The following SNX10 variants were observed in gnomAD, a reference collection of about 807,000 sequenced individuals.
SNX10 encodes sorting nexin 10, also known as sorting nexin-10.
SNX10 carries 25 observed loss-of-function variants against 28.5 expected under a neutral mutation model. The ratio of observed to expected loss-of-function variants is 0.88; its 90% CI spans 0.64 to 1.22. SNX10 has a LOEUF of 1.22. Ranked by LOEUF, SNX10 falls within the 50% of genes most tolerant of loss-of-function variation. The pLI, the probability that SNX10 is intolerant of heterozygous loss-of-function variation, is 0.00. For synonymous variants in SNX10, 62 were observed against 81.4 expected (o/e 0.76, Z 1.28); for missense variants, 223 against 242.6 (o/e 0.92, Z 0.54).
chr7:26,300,915 A>C (rs1419495839), intron 1 of SNX10, among the ~76,000 whole-genome samples: 1 of 143,054 alleles, frequency 7.0e-6, no homozygotes, highest in African/African-American at 2.6e-5. Flanking sequence ...GCTACTCGGG[A>C]GGCTGCGATG....
At chr7:26,335,948 G>A (rs968726229) in intron 1 of SNX10, among the ~76,000 whole-genome samples, 3 of 151,078 alleles carry the variant, frequency 2.0e-5, no homozygotes, top group African/African-American at 7.3e-5. Flanking sequence ...TTTCACCGTG[G>A]TCTCGATCTC....
intron 6 of SNX10, 57 bp downstream of exon 6, chr7:26,372,090 C>A: frequency 9.0e-7 from 1 of 1,115,010 alleles, no homozygotes; most frequent in Non-Finnish European, 1.3e-6. Context: ...ATAGTATGCA[C>A]ATATGCACGT....
intron 2 of SNX10, among the ~76,000 whole-genome samples, chr7:26,347,824 TG>T (rs1405596940): frequency 1.3e-5 from 2 of 152,172 alleles, no homozygotes; most frequent in African/African-American, 4.8e-5. Flanking sequence ...CACTCCAGCC[TG>T]GGTGACAAAG....
rs35527687 is a variant in SNX10, at chr7:26,358,805, G to GTTTTTTTTTTTTTTTTTTTTTTTTTTT, written c.25-2151_25-2150insTTTTTTTTTTTTTTTTTTTTTTTTTTT. 1.3e-4 allele frequency among the ~76,000 whole-genome samples: 13 copies of GTTTTTTTTTTTTTTTTTTTTTTTTTTT among 100,102 alleles called. 2 individuals carry two copies. Among genetic ancestry groups the GTTTTTTTTTTTTTTTTTTTTTTTTTTT allele is most frequent in the African/African-American group, 5.7e-4 (13 of 22,684 alleles). The allele number at this position is 100,102 out of a possible 152,430, so 65.7% of individuals were successfully genotyped here. A position where few individuals can be genotyped will look rare whatever the true frequency, so the allele number is the denominator to read the frequency against. On this transcript the variant is annotated intron_variant, in intron 2 of 6. Transcript: ENST00000338523. ...GAGCATCACTATAGTGTTATCTTGT[G>GTTTTTTTTTTTTTTTTTTTTTTTTTTT]TTTTTTTTTTTTTTTTTTTGACCAA... is the stretch of plus-strand genomic sequence containing the variant.
At chr7:26,316,044 C>T (rs781589266) in intron 1 of SNX10, among the ~76,000 whole-genome samples, 105 of 151,792 alleles carry the variant, frequency 6.9e-4, no homozygotes, top group Non-Finnish European at 6.6e-4. Context: ...ACTAGCCGGG[C>T]GTGGTGGCAG....
At chr7:26,359,115 A>G (rs371863152) in intron 2 of SNX10, among the ~76,000 whole-genome samples, 6 of 152,064 alleles carry the variant, frequency 3.9e-5, no homozygotes, top group East Asian at 3.9e-4. Flanking sequence ...TTCTTATTCT[A>G]TCCCCTAAAT....
chr7:26,372,849 A>G lies in SNX10; in HGVS notation c.*277A>G, dbSNP rs1789620312. ...CTTGCCCTCCAATGAAATGACTTAC[A>G]TGTTTTAAAAAACCGAGTTGGTTTT... On this transcript the variant is annotated 3_prime_UTR_variant, in exon 7 of 7. Coordinates refer to ENST00000338523, the MANE Select transcript of SNX10 (RefSeq NM_013322.3). The G allele has an allele frequency of 3.4e-6, 1 of 296,380 alleles. No homozygotes were observed. The highest frequency in any genetic ancestry group is 2.2e-5 in the African/African-American group (1 of 45,782). 18.4% of individuals were successfully genotyped at this position (296,380 alleles called of 1,614,324 possible). A position where few individuals can be genotyped will look rare whatever the true frequency, so the allele number is the denominator to read the frequency against.
intron 1 of SNX10, among the ~76,000 whole-genome samples, chr7:26,324,699 G>C (rs751801037): frequency 1.3e-4 from 20 of 152,054 alleles, no homozygotes; most frequent in Non-Finnish European, 2.6e-4. Context: ...AAATGACTGA[G>C]TGGGGAATGA....
chr7:26,328,671 T>A (rs1050434341), intron 1 of SNX10, among the ~76,000 whole-genome samples: 1 of 152,188 alleles, frequency 6.6e-6, no homozygotes. Flanking sequence ...ACTGCCCATG[T>A]GCCCCACCAA....
intron 1 of SNX10, among the ~76,000 whole-genome samples, chr7:26,312,318 A>G (rs552425443): frequency 2.6e-5 from 4 of 152,372 alleles, no homozygotes; most frequent in African/African-American, 9.6e-5. Context: ...GTATTGGCAT[A>G]GCAACCACCA....
chr7:26,350,980 A>C (rs1432356587), intron 2 of SNX10, among the ~76,000 whole-genome samples: 1 of 152,172 alleles, frequency 6.6e-6, no homozygotes, highest in Admixed American at 6.5e-5. Flanking sequence ...AGATTTTAAA[A>C]TAATTGTTCA....
intron 1 of SNX10, among the ~76,000 whole-genome samples, chr7:26,309,301 G>C (rs35119951): frequency 1.3e-5 from 2 of 151,694 alleles, no homozygotes; most frequent in African/African-American, 4.8e-5. Flanking sequence ...CGTTAGAAGT[G>C]GCCTGTTTCA....
chr7:26,358,805 G>GTTTTTGTTTT lies in SNX10; in HGVS notation c.25-2165_25-2164insGTTTTTTTTT, dbSNP rs1554360948. On this transcript the variant is annotated intron_variant, in intron 2 of 6. Transcript: ENST00000338523. Reference sequence around the variant, plus strand: ...GAGCATCACTATAGTGTTATCTTGTGTTTTTTTTTTTTTTTTTTTGACCAA... The same window carrying GTTTTTGTTTT: ...GAGCATCACTATAGTGTTATCTTGTGTTTTTGTTTTTTTTTTTTTTTTTTTTTTTGACCAA... Among the ~76,000 whole-genome samples the GTTTTTGTTTT allele has an allele frequency of 3.4e-4, 34 of 100,102 alleles. 1 individual carries two copies. Among genetic ancestry groups the GTTTTTGTTTT allele is most frequent in the African/African-American group, 1.4e-3 (31 of 22,684 alleles). The allele number at this position is 100,102 out of a possible 152,430, so 65.7% of individuals were successfully genotyped here. A position where few individuals can be genotyped will look rare whatever the true frequency, so the allele number is the denominator to read the frequency against.
intron 1 of SNX10, among the ~76,000 whole-genome samples, chr7:26,295,588 T>C (rs1462137185): frequency 6.6e-6 from 1 of 152,224 alleles, no homozygotes; most frequent in African/African-American, 2.4e-5. Flanking sequence ...AAACTCAGGT[T>C]CCTGAACTTC....
chr7:26,335,116 C>T (rs571977611), intron 1 of SNX10, among the ~76,000 whole-genome samples: 11 of 152,322 alleles, frequency 7.2e-5, no homozygotes, highest in South Asian at 6.2e-4. Context: ...ATGCTGGACA[C>T]GGAAGCCACT....
intron 1 of SNX10, among the ~76,000 whole-genome samples, chr7:26,333,561 T>C (rs750802655): frequency 8.6e-5 from 13 of 151,754 alleles, no homozygotes; most frequent in Non-Finnish European, 1.3e-4. Flanking sequence ...CCTGACCTCA[T>C]GATCCGCCCG....
intron 1 of SNX10, among the ~76,000 whole-genome samples, chr7:26,310,566 C>T (rs1202482693): frequency 6.6e-6 from 1 of 151,894 alleles, no homozygotes; most frequent in African/African-American, 2.4e-5. Flanking sequence ...GCCTTTAAAC[C>T]AAGATCTGAA....
At position 26,345,351 on chromosome 7, in the gene SNX10, C is replaced by T. The variant is rs114157283; in HGVS notation, c.-23-1069C>T. 2.0e-3 allele frequency among the ~76,000 whole-genome samples: 307 copies of T among 152,338 alleles called. 1 individual carries two copies. Among genetic ancestry groups the T allele is most frequent in the African/African-American group, 6.9e-3 (287 of 41,576 alleles). On this transcript the variant is annotated intron_variant, in intron 1 of 6. Coordinates refer to ENST00000338523, the MANE Select transcript of SNX10 (RefSeq NM_013322.3). Reference sequence around the variant, plus strand: ...GGTGTTGTTGTTGCTCCTCCGCTCCCCTGGAGGTCCTGCTTTTTTTCCTTG... The same window carrying T: ...GGTGTTGTTGTTGCTCCTCCGCTCCTCTGGAGGTCCTGCTTTTTTTCCTTG...
intron 1 of SNX10, among the ~76,000 whole-genome samples, chr7:26,340,042 T>C (rs1379766745): frequency 6.6e-6 from 1 of 152,170 alleles, no homozygotes; most frequent in Non-Finnish European, 1.5e-5. Flanking sequence ...ATACTTGTTA[T>C]TCCTTATTTC....
Sources: allele counts gnomAD v4.1 joint callset (sites outside exome capture counted in the v4.1 genomes callset), GRCh38; gene constraint gnomAD v4.1.1; transcripts MANE v1.5; gene names NCBI Gene and HGNC (gene_info 2026-07-23, HGNC 2026-07-21).